DIS3L: variants seen among roughly 807,000 people sequenced by gnomAD.
The protein encoded by DIS3L is DIS3 like exosome 3'-5' exoribonuclease, also known as DIS3-like exonuclease 1.
A neutral mutation model predicts 120.3 loss-of-function variants in DIS3L; 100 were observed. That is an observed-to-expected ratio of 0.83 (90% confidence interval 0.71 to 0.98). DIS3L has a LOEUF of 0.98. Ranked by LOEUF, DIS3L falls within the 50% of genes least tolerant of loss-of-function variation. DIS3L has a pLI of 0.00. For synonymous variants in DIS3L, 426 were observed against 470.6 expected, an observed-to-expected ratio of 0.91 and a Z score of 1.23; for missense variants, 1,196 against 1,314.2, an observed-to-expected ratio of 0.91 and a Z score of 1.39.
Position 66,326,143 on chromosome 15 carries a change from A to T in DIS3L, c.1980A>T (p.Leu660=). The part of the protein sequence containing the change: ...ELEGVEVCVQ[L]DDKKNIHDLI... ...AAGGGGTAGAGGTTTGCGTACAGCT[A>T]GATGACAAAAAGAACATTCACGACC... Residue 660 remains leucine (L), a synonymous_variant, in exon 12 of 17, where the codon CTA becomes CTT. Coordinates refer to ENST00000319212, the MANE Select transcript of DIS3L (RefSeq NM_001143688.3). 1 of 1,614,224 alleles carries T rather than the reference A, an allele frequency of 6.2e-7. No homozygotes were observed. The highest frequency in any genetic ancestry group is 8.5e-7 in the Non-Finnish European group (1 of 1,180,038).
chr15:66,311,665 A>C, intron 4 of DIS3L, 59 bp from the exon 5 acceptor site: 1 of 1,594,036 alleles, frequency 6.3e-7, no homozygotes, highest in African/African-American at 1.3e-5. Flanking sequence ...CTGTCATAGT[A>C]CCATGGTGAA....
At position 66,293,692 on chromosome 15, in the gene DIS3L, C is replaced by T. The variant is rs2092547908; in HGVS notation, c.96C>T (p.Pro32=). The part of the protein sequence containing the change: ...VREHYLRPCV[P]CHSPLCPQPA... ...AGCACTACCTGCGGCCCTGCGTGCC[C>T]TGCCACAGCCCGCTCTGCCCGCAGC... Residue 32 remains proline, a synonymous_variant, in exon 1 of 17, where the codon CCC becomes CCT. Transcript: ENST00000319212. 2 of 1,384,928 alleles carry T rather than the reference C, an allele frequency of 1.4e-6. No individual in the cohort carries two copies. Among genetic ancestry groups the T allele is most frequent in the South Asian group, 1.5e-5 (1 of 66,604 alleles). 85.8% of individuals were successfully genotyped at this position (1,384,928 alleles called of 1,614,324 possible). A position where few individuals can be genotyped will look rare whatever the true frequency, so the allele number is the denominator to read the frequency against.
intron 14 of DIS3L, among the ~76,000 whole-genome samples, chr15:66,331,209 T>C (rs1020663046): frequency 6.6e-6 from 1 of 151,846 alleles, no homozygotes; most frequent in Admixed American, 6.6e-5. Context: ...TCCTTATCAG[T>C]AGTGCTAATT....
At chr15:66,297,109 G>A (rs1032683926) in intron 2 of DIS3L, among the ~76,000 whole-genome samples, 5 of 152,184 alleles carry the variant, frequency 3.3e-5, no homozygotes, top group Non-Finnish European at 7.3e-5. Context: ...GCAACCAGCA[G>A]GTGCCTTCAG....
chr15:66,333,299 A>G lies in DIS3L; in HGVS notation c.3152A>G (p.Asn1051Ser), dbSNP rs1311552639. Residue 1051 changes from asparagine to serine, a missense_variant, in exon 17 of 17, where the codon AAT (asparagine) becomes AGT (serine). Transcript: ENST00000319212. ...CTAGCTCTCCTGGATGTTTCAAACA[A>G]TTATGGAATATGAGAGGCTCTTACT... is the stretch of plus-strand genomic sequence containing the variant. ...RDLALLDVSN[N>S]YGI 7.5e-6 allele frequency: 12 copies of G among 1,599,908 alleles called. No individual in the cohort carries two copies. Among genetic ancestry groups the G allele is most frequent in the Non-Finnish European group, 1.0e-5 (12 of 1,175,258 alleles).
Position 66,318,476 on chromosome 15 carries a change from A to G in DIS3L, c.1022A>G (p.Asn341Ser). Residue 341 changes from asparagine to serine, a missense_variant, in exon 8 of 17, where the codon AAC (asparagine) becomes AGC (serine). Physicochemically the swap from Asn to Ser is conservative, Grantham distance 46. Transcript: ENST00000319212. ...TGRVVGILQK[N>S]WRDYVVTFPS... ...CGAGTGGTGGGCATACTTCAGAAGAACTGGCGGGATTATGTGGTGACATTT... is the reference window on the plus strand; with the variant it reads ...CGAGTGGTGGGCATACTTCAGAAGAGCTGGCGGGATTATGTGGTGACATTT... 6.2e-7 allele frequency: 1 copy of G among 1,614,008 alleles called. No individual in the cohort carries two copies. Among genetic ancestry groups the G allele is most frequent in the Non-Finnish European group, 8.5e-7 (1 of 1,179,978 alleles).
At position 66,333,300 on chromosome 15, in the gene DIS3L, T is replaced by C. The variant is rs947599398; in HGVS notation, c.3153T>C (p.Asn1051=). Residue 1051 remains asparagine (N), a synonymous_variant, in exon 17 of 17, where the codon AAT becomes AAC. Transcript: ENST00000319212. The part of the protein sequence containing the change: ...RDLALLDVSN[N]YGI ...TAGCTCTCCTGGATGTTTCAAACAA[T>C]TATGGAATATGAGAGGCTCTTACTT... 5 of 1,599,742 alleles carry C rather than the reference T, an allele frequency of 3.1e-6. No individual in the cohort carries two copies. Among genetic ancestry groups the C allele is most frequent in the Non-Finnish European group, 4.3e-6 (5 of 1,175,204 alleles).
Position 66,306,825 on chromosome 15 carries a change from C to G in DIS3L, c.295C>G (p.Gln99Glu), listed in dbSNP as rs1566940072. Reference sequence around the variant, plus strand: ...TTATTTTTCTCCTCCGTGTCACAGACAGTATAACAAACTGCGAAACCTGCT... The same window carrying G: ...TTATTTTTCTCCTCCGTGTCACAGAGAGTATAACAAACTGCGAAACCTGCT... Reference protein sequence around the residue: ...QAVQHQRGRRQYNKLRNLLKD... With the variant: ...QAVQHQRGRREYNKLRNLLKD... The change falls in exon 3 of 17, where the codon CAG (glutamine) becomes GAG (glutamate). Residue 99 changes from glutamine to glutamate, a missense_variant and splice_region_variant. By Grantham distance (29) the Gln-to-Glu change is conservative. Transcript: ENST00000319212. 2 of 1,613,908 alleles carry G rather than the reference C, an allele frequency of 1.2e-6. No individual in the cohort carries two copies. Among genetic ancestry groups the G allele is most frequent in the Non-Finnish European group, 1.7e-6 (2 of 1,179,972 alleles).
rs1400673053 is a variant in DIS3L at position 66,332,770 on chromosome 15, A to G, written c.2716A>G (p.Lys906Glu). The G allele has an allele frequency of 1.2e-6, 2 of 1,613,230 alleles. No individual in the cohort carries two copies. The highest frequency in any genetic ancestry group is 1.7e-6 in the Non-Finnish European group (2 of 1,179,696). ...GIKGAAYLKN[K>E]DGLVISCGPD... ...TAAAGGTGCTGCTTATCTAAAAAAT[A>G]AAGATGGTTTAGTCATCTCATGTGG... Residue 906 changes from lysine to glutamate, a missense_variant, in exon 16 of 17, where the codon AAA (lysine) becomes GAA (glutamate). Transcript: ENST00000319212.
intron 2 of DIS3L, among the ~76,000 whole-genome samples, chr15:66,304,286 A>C (rs975858297): frequency 1.3e-5 from 2 of 151,834 alleles, no homozygotes; most frequent in Non-Finnish European, 2.9e-5. Flanking sequence ...CCCCGTCTCT[A>C]CAAAAAAAAT....
chr15:66,303,804 T>G (rs1232010683), intron 2 of DIS3L, among the ~76,000 whole-genome samples: 1 of 151,942 alleles, frequency 6.6e-6, no homozygotes, highest in African/African-American at 2.4e-5. Context: ...CTGTTAACAG[T>G]GTGTAGGCCG....
intron 14 of DIS3L, chr15:66,330,187 C>T (rs1444364218): frequency 3.4e-6 from 3 of 878,366 alleles, no homozygotes; most frequent in Non-Finnish European, 1.4e-6. Context: ...GTCCCAGCTA[C>T]TCAGGAGGCT....
At chr15:66,312,511 C>T (rs1595735130) in intron 5 of DIS3L, among the ~76,000 whole-genome samples, 1 of 152,166 alleles carries the variant, frequency 6.6e-6, no homozygotes. Context: ...CTCTTTGAAT[C>T]AAGGTCTGGA....
At chr15:66,316,353 A>G (rs2092817239) in intron 7 of DIS3L, among the ~76,000 whole-genome samples, 1 of 151,416 alleles carries the variant, frequency 6.6e-6, no homozygotes, top group Non-Finnish European at 1.5e-5. Context: ...CTCCAACTCT[A>G]ATGCATGGCC....
intron 2 of DIS3L, among the ~76,000 whole-genome samples, chr15:66,298,179 CAA>C (rs11419116): frequency 9.2e-3 from 421 of 45,952 alleles, no homozygotes; most frequent in African/African-American, 0.027. Context: ...GACTCCGTCT[CAA>C]AAAAAAAAAA....
chr15:66,315,132 G>C lies in DIS3L; in HGVS notation c.911G>C (p.Trp304Ser). ...VVVELLPKNEWKGRTVALCEN... is the reference protein window; with the variant it reads ...VVVELLPKNESKGRTVALCEN... ...GTGGAGCTGCTTCCTAAAAATGAAT[G>C]GAAAGGAAGAACCGTAGCCCTGTGT... The change falls in exon 7 of 17, where the codon TGG becomes TCG. Residue 304 changes from tryptophan (W) to serine (S), a missense_variant. By Grantham distance (177) the Trp-to-Ser change is radical (BLOSUM62 -3). Transcript: ENST00000319212. The C allele has an allele frequency of 6.2e-7, 1 of 1,614,006 alleles. No individual in the cohort carries two copies. Among genetic ancestry groups the C allele is most frequent in the Admixed American group, 1.7e-5 (1 of 59,998 alleles).
chr15:66,306,171 C>T (rs71398255), intron 2 of DIS3L, among the ~76,000 whole-genome samples: 9,153 of 152,120 alleles, frequency 0.06, 363 homozygotes, highest in Middle Eastern at 0.11. Flanking sequence ...GACAGGGTCT[C>T]CTTATGTTGC....
At position 66,308,864 on chromosome 15, in the gene DIS3L, A is replaced by T. The variant is rs750519227; in HGVS notation, c.558+20A>T. The stretch of plus-strand genomic sequence containing the variant: ...TTCAAGGTATTTCCAGATATTGTAT[A>T]TGTATGAGTGCTCATTTTCTAAGTA... On this transcript the variant is annotated intron_variant, in intron 4 of 16. Transcript: ENST00000319212. The T allele has an allele frequency of 3.1e-5, 50 of 1,604,028 alleles. No individual in the cohort carries two copies. In the East Asian group the frequency reaches 1.0e-3, roughly 32 times the overall value.
rs2092968613 is a variant in DIS3L at position 66,329,028 on chromosome 15, G to C, written c.2260G>C (p.Val754Leu). ...DNANDPHDPI[V>L]NRLLRSMATQ... ...TGCGAACGACCCCCACGATCCCATT[G>C]TGAACAGGCTACTGCGCTCCATGGC... Residue 754 changes from valine (V) to leucine (L), a missense_variant, in exon 13 of 17, where the codon GTG becomes CTG. Coordinates refer to ENST00000319212, the MANE Select transcript of DIS3L (RefSeq NM_001143688.3). 6.2e-7 allele frequency: 1 copy of C among 1,614,218 alleles called. No individual in the cohort carries two copies. Among genetic ancestry groups the C allele is most frequent in the Non-Finnish European group, 8.5e-7 (1 of 1,180,038 alleles).
Sources: allele counts gnomAD v4.1 joint callset (sites outside exome capture counted in the v4.1 genomes callset), GRCh38; gene constraint gnomAD v4.1.1; transcripts MANE v1.5; gene names NCBI Gene and HGNC (gene_info 2026-07-23, HGNC 2026-07-21).